Variants in ADAMTS18 observed in about 807,000 individuals in gnomAD.
The protein encoded by ADAMTS18 is ADAM metallopeptidase with thrombospondin type 1 motif 18.
ADAMTS18 carries 157 observed loss-of-function variants against 165.9 expected under a neutral mutation model. The observed-to-expected ratio is 0.95, with a 90% CI of 0.83 to 1.08. The LOEUF (loss-of-function observed/expected upper bound fraction) is 1.08, where lower values mean the gene tolerates loss of function less well. ADAMTS18 is among the 50% of genes least tolerant of loss of function. The probability of loss-of-function intolerance (pLI) is 0.00; values close to 1 mark genes in which losing one functional copy is unlikely to be tolerated. For missense variants in ADAMTS18, 2,040 were observed against 1,534.0 expected (o/e 1.33, Z -5.51); for synonymous variants, 782 against 578.2 (o/e 1.35, Z -5.06).
chr16:77,382,391 T>G (rs1018377051), intron 3 of ADAMTS18, among the ~76,000 whole-genome samples: 4 of 152,118 alleles, frequency 2.6e-5, no homozygotes, highest in African/African-American at 4.8e-5. Flanking sequence ...TTTGTATTTT[T>G]AGTAGAGACG....
intron 20 of ADAMTS18, 128 bp downstream of exon 20, chr16:77,292,948 T>G (rs1004248563): frequency 3.4e-5 from 38 of 1,110,252 alleles, no homozygotes; most frequent in Admixed American, 6.1e-5. Context: ...GCCTCCCCAG[T>G]AGATCAGACT....
intron 16 of ADAMTS18, among the ~76,000 whole-genome samples, chr16:77,309,955 A>T (rs1466413110): frequency 6.6e-6 from 1 of 152,228 alleles, no homozygotes; most frequent in African/African-American, 2.4e-5. Flanking sequence ...AAATTTCATT[A>T]CTTTAAATGC....
At chr16:77,302,379 C>T (rs1231692307) in intron 16 of ADAMTS18, among the ~76,000 whole-genome samples, 1 of 152,004 alleles carries the variant, frequency 6.6e-6, no homozygotes, top group Non-Finnish European at 1.5e-5. Flanking sequence ...CCTTGTACCA[C>T]AGAAAATTAT....
At chr16:77,323,290 C>T (rs924075307) in intron 13 of ADAMTS18, among the ~76,000 whole-genome samples, 3 of 152,098 alleles carry the variant, frequency 2.0e-5, no homozygotes, top group African/African-American at 7.2e-5. Flanking sequence ...GTTTTACAAA[C>T]GTGTAAACAG....
intron 8 of ADAMTS18, among the ~76,000 whole-genome samples, chr16:77,356,372 A>T (rs1430524657): frequency 6.6e-6 from 1 of 152,208 alleles, no homozygotes; most frequent in Admixed American, 6.5e-5. Context: ...TTTAGGTATA[A>T]GCTAAGCCAA....
chr16:77,370,234 G>C (rs1360737204), intron 3 of ADAMTS18, among the ~76,000 whole-genome samples: 1 of 152,162 alleles, frequency 6.6e-6, no homozygotes, highest in African/African-American at 2.4e-5. Context: ...GTCCTGGGTA[G>C]AGCAATTAGG....
At chr16:77,418,354 G>T (rs1008192884) in intron 3 of ADAMTS18, among the ~76,000 whole-genome samples, 2 of 152,198 alleles carry the variant, frequency 1.3e-5, no homozygotes, top group African/African-American at 4.8e-5. Context: ...TGTGCTCTAT[G>T]AGTAGTTCTC....
At chr16:77,379,708 C>A (rs1183749548) in intron 3 of ADAMTS18, among the ~76,000 whole-genome samples, 1 of 152,080 alleles carries the variant, frequency 6.6e-6, no homozygotes, top group Admixed American at 6.5e-5. Context: ...CCAGGGTGAT[C>A]TCAAATTCCT....
intron 3 of ADAMTS18, among the ~76,000 whole-genome samples, chr16:77,398,082 C>G (rs140710490): frequency 9.4e-4 from 143 of 152,046 alleles, no homozygotes; most frequent in African/African-American, 3.2e-3. Context: ...TTTGGGAGGC[C>G]GAGGCAGGCA....
At chr16:77,392,313 G>A (rs1444726893) in intron 3 of ADAMTS18, among the ~76,000 whole-genome samples, 3 of 152,068 alleles carry the variant, frequency 2.0e-5, no homozygotes, top group African/African-American at 7.2e-5. Flanking sequence ...ATTTCCTAGT[G>A]CCCATCCCTC....
chr16:77,417,109 C>T (rs2057540548), intron 3 of ADAMTS18, among the ~76,000 whole-genome samples: 1 of 151,564 alleles, frequency 6.6e-6, no homozygotes, highest in African/African-American at 2.4e-5. Flanking sequence ...TTTGTTGCAG[C>T]ATCCTTATGA....
intron 3 of ADAMTS18, among the ~76,000 whole-genome samples, chr16:77,404,019 CCCTCCCTA>C (rs968033843): frequency 1.3e-4 from 19 of 144,774 alleles, no homozygotes; most frequent in African/African-American, 4.7e-4. Flanking sequence ...CTCCCTCCCT[CCCTCCCTA>C]CCGTCCTCCC....
intron 12 of ADAMTS18, among the ~76,000 whole-genome samples, chr16:77,334,556 T>C (rs2056258295): frequency 1.8e-5 from 2 of 112,734 alleles, no homozygotes; most frequent in Non-Finnish European, 3.3e-5. Flanking sequence ...TAGTATATAT[T>C]ATATAGTAGT....
intron 9 of ADAMTS18, 131 bp from the exon 10 acceptor site, chr16:77,354,017 G>T: frequency 1.7e-6 from 2 of 1,143,444 alleles, no homozygotes; most frequent in Admixed American, 1.7e-5. Context: ...TATGTTTAAA[G>T]TTCAAATCTA....
intron 10 of ADAMTS18, among the ~76,000 whole-genome samples, chr16:77,342,703 C>T (rs988757823): frequency 3.9e-5 from 6 of 152,104 alleles, no homozygotes; most frequent in Admixed American, 1.3e-4. Context: ...AATAATGGCC[C>T]CCAAAGATGT....
At chr16:77,341,835 G>C in intron 10 of ADAMTS18, 36 bp from the exon 11 acceptor site, 2 of 1,471,824 alleles carry the variant, frequency 1.4e-6, no homozygotes, top group Non-Finnish European at 9.4e-7. Context: ...TGTTAATGGT[G>C]ATATACAATA....
At position 77,356,067 on chromosome 16, in the gene ADAMTS18, T is replaced by C. The variant is rs974080068; in HGVS notation, c.1333A>G (p.Ile445Val). ...CAGGGATTCCCTTCTCCATCGTGAA[T>C]CATACCAAAGCTGAAACAGAATGAA... ...AHESGHNFGMIHDGEGNPCRK... is the reference protein window; with the variant it reads ...AHESGHNFGMVHDGEGNPCRK... Residue 445 changes from isoleucine to valine, a missense_variant, in exon 9 of 23, where the codon ATT becomes GTT. Ile to Val is a conservative substitution (Grantham distance 29). Coordinates refer to ENST00000282849, the MANE Select transcript of ADAMTS18 (RefSeq NM_199355.4). 1 of 1,614,042 alleles carries C rather than the reference T, an allele frequency of 6.2e-7. No homozygotes were observed. Among genetic ancestry groups the C allele is most frequent in the Non-Finnish European group, 8.5e-7 (1 of 1,179,944 alleles).
At chr16:77,319,790 A>G in intron 16 of ADAMTS18, 59 bp downstream of exon 16, 3 of 1,612,326 alleles carry the variant, frequency 1.9e-6, no homozygotes, top group Non-Finnish European at 2.5e-6. Context: ...CTCAAATTGC[A>G]GTCAACGATA....
intron 10 of ADAMTS18, among the ~76,000 whole-genome samples, chr16:77,345,065 AT>A (rs1188272542): frequency 6.6e-6 from 1 of 152,062 alleles, no homozygotes; most frequent in African/African-American, 2.4e-5. Flanking sequence ...CCTGCATATG[AT>A]TTTTTTAAAC....
Sources: allele counts gnomAD v4.1 joint callset (sites outside exome capture counted in the v4.1 genomes callset), GRCh38; gene constraint gnomAD v4.1.1; transcripts MANE v1.5; gene names NCBI Gene and HGNC (gene_info 2026-07-23, HGNC 2026-07-21).